The following ARHGAP31 variants were observed in gnomAD, a reference collection of about 807,000 sequenced individuals.
ARHGAP31 encodes rho GTPase-activating protein 31.
Under a neutral mutation model 113.9 loss-of-function variants are expected in ARHGAP31, and 34 were observed. The observed-to-expected ratio is 0.30, with a 90% CI of 0.23 to 0.40. The LOEUF is 0.40. Ranked by LOEUF, ARHGAP31 falls within the 10% of genes least tolerant of loss-of-function variation. The pLI, the probability that ARHGAP31 is intolerant of heterozygous loss-of-function variation, is 1.00. For synonymous variants in ARHGAP31, 650 were observed against 684.8 expected, an observed-to-expected ratio of 0.95 and a Z score of 0.79; for missense variants, 1,548 against 1,767.1, an observed-to-expected ratio of 0.88 and a Z score of 2.22.
At chr3:119,309,774 C>T (rs188029862) in intron 1 of ARHGAP31, among the ~76,000 whole-genome samples, 19 of 151,952 alleles carry the variant, frequency 1.3e-4, no homozygotes, top group African/African-American at 4.3e-4. Flanking sequence ...AACTATCCCC[C>T]CCACCACAAC....
intron 1 of ARHGAP31, among the ~76,000 whole-genome samples, chr3:119,357,052 CTG>C (rs2080164595): frequency 6.6e-6 from 1 of 152,172 alleles, no homozygotes; most frequent in Non-Finnish European, 1.5e-5. Context: ...CTTGCCAACA[CTG>C]TGTGTTAACA....
chr3:119,294,839 C>A lies in ARHGAP31; in HGVS notation c.-66C>A, dbSNP rs949691016. The A allele has an allele frequency of 2.1e-6, 3 of 1,452,750 alleles. No individual in the cohort carries two copies. The highest frequency in any genetic ancestry group is 2.8e-5 in the African/African-American group (2 of 71,584). The allele number at this position is 1,452,750 out of a possible 1,614,324, so 90.0% of individuals were successfully genotyped here. A position where few individuals can be genotyped will look rare whatever the true frequency, so the allele number is the denominator to read the frequency against. Reference sequence around the variant, plus strand: ...CAGCCGGTGATCTAGCCCGGGAGCCCATCTTACAGCGGTGCCAAGCAGAGG... The same window carrying A: ...CAGCCGGTGATCTAGCCCGGGAGCCAATCTTACAGCGGTGCCAAGCAGAGG... On this transcript the variant is annotated 5_prime_UTR_variant, in exon 1 of 12. Coordinates refer to ENST00000264245, the MANE Select transcript of ARHGAP31 (RefSeq NM_020754.4).
At chr3:119,320,786 C>T (rs1329979935) in intron 1 of ARHGAP31, among the ~76,000 whole-genome samples, 1 of 152,154 alleles carries the variant, frequency 6.6e-6, no homozygotes, top group African/African-American at 2.4e-5. Flanking sequence ...ATATCTTGGA[C>T]ATTGATATGG....
intron 9 of ARHGAP31, among the ~76,000 whole-genome samples, chr3:119,400,357 AC>A (rs1402079797): frequency 2.0e-5 from 3 of 151,858 alleles, no homozygotes; most frequent in Non-Finnish European, 4.4e-5. Context: ...AATCACTTAA[AC>A]CCAGGAGGCA....
intron 1 of ARHGAP31, among the ~76,000 whole-genome samples, chr3:119,342,666 C>T (rs2080019616): frequency 6.6e-6 from 1 of 152,218 alleles, no homozygotes; most frequent in Non-Finnish European, 1.5e-5. Flanking sequence ...AAGACAAATA[C>T]AGGCCGGGTG....
chr3:119,296,371 A>G (rs1279214561), intron 1 of ARHGAP31, among the ~76,000 whole-genome samples: 1 of 152,240 alleles, frequency 6.6e-6, no homozygotes, highest in Non-Finnish European at 1.5e-5. Flanking sequence ...GGAGAGGTAG[A>G]TTTGAGATAA....
At chr3:119,398,177 A>T (rs1274343278) in intron 8 of ARHGAP31, among the ~76,000 whole-genome samples, 1 of 152,074 alleles carries the variant, frequency 6.6e-6, no homozygotes, top group African/African-American at 2.4e-5. Context: ...TAGGGCAGGA[A>T]GATTGCTTGA....
At chr3:119,375,497 C>G (rs897761424) in intron 3 of ARHGAP31, among the ~76,000 whole-genome samples, 1 of 152,236 alleles carries the variant, frequency 6.6e-6, no homozygotes, top group Admixed American at 6.5e-5. Context: ...AATGTCCCCA[C>G]TCGACATCCT....
In ARHGAP31 at chr3:119,381,002, A is replaced by G; in HGVS notation, c.431+16A>G. The G allele has an allele frequency of 1.9e-6, 3 of 1,608,984 alleles. No homozygotes were observed. The highest frequency in any genetic ancestry group is 2.6e-6 in the Non-Finnish European group (3 of 1,175,290). ...CCCACTATAGGTAAGAATGGTTGGGAAAAGAAACGTGTGGCCTCTCAATGC... is the reference window on the plus strand; with the variant it reads ...CCCACTATAGGTAAGAATGGTTGGGGAAAGAAACGTGTGGCCTCTCAATGC... On this transcript the variant is annotated intron_variant, in intron 4 of 11. Coordinates refer to ENST00000264245, the MANE Select transcript of ARHGAP31 (RefSeq NM_020754.4).
chr3:119,305,922 T>C (rs1056162495), intron 1 of ARHGAP31, among the ~76,000 whole-genome samples: 4 of 152,208 alleles, frequency 2.6e-5, no homozygotes, highest in Admixed American at 6.5e-5. Context: ...ACGTCCTGTT[T>C]TCCCCCCTCC....
chr3:119,342,958 A>T (rs748257315), intron 1 of ARHGAP31, among the ~76,000 whole-genome samples: 75 of 152,290 alleles, frequency 4.9e-4, no homozygotes, highest in Non-Finnish European at 2.4e-4. Flanking sequence ...TCAAAAAAAA[A>T]AAATAAAAAA....
At chr3:119,372,471 C>T (rs1263919235) in intron 3 of ARHGAP31, among the ~76,000 whole-genome samples, 7 of 151,842 alleles carry the variant, frequency 4.6e-5, no homozygotes, top group South Asian at 2.1e-4. Flanking sequence ...TTAGTAGAGA[C>T]GGGGTTTCGC....
chr3:119,332,804 G>T (rs534494032), intron 1 of ARHGAP31, among the ~76,000 whole-genome samples: 19 of 152,114 alleles, frequency 1.2e-4, no homozygotes, highest in Non-Finnish European at 2.5e-4. Context: ...AATTGTCATG[G>T]TCTTTGTCCC....
Position 119,383,180 on chromosome 3 carries a change from A to G in ARHGAP31, c.636A>G (p.Val212=). The G allele has an allele frequency of 6.2e-7, 1 of 1,614,210 alleles. No homozygotes were observed. The highest frequency in any genetic ancestry group is 8.5e-7 in the Non-Finnish European group (1 of 1,180,028). Residue 212 remains valine (V), a synonymous_variant, in exon 6 of 12, where the codon GTA becomes GTG. Coordinates refer to ENST00000264245, the MANE Select transcript of ARHGAP31 (RefSeq NM_020754.4). ...QVVIEFILNH[V]DQIFNNGAPG... The stretch of plus-strand genomic sequence containing the variant: ...TGATTGAGTTCATATTGAATCATGT[A>G]GATCAAATCTTTAACAACGGTGCAC...
At chr3:119,345,445 A>T (rs1400927949) in intron 1 of ARHGAP31, among the ~76,000 whole-genome samples, 1 of 152,126 alleles carries the variant, frequency 6.6e-6, no homozygotes, top group Non-Finnish European at 1.5e-5. Flanking sequence ...CAGTGGTAGA[A>T]AGTGGCAGTG....
At chr3:119,305,431 C>T (rs930653955) in intron 1 of ARHGAP31, among the ~76,000 whole-genome samples, 10 of 152,246 alleles carry the variant, frequency 6.6e-5, no homozygotes, top group Non-Finnish European at 1.5e-4. Context: ...TCTTTCCCAT[C>T]TGTTTCCTGC....
At chr3:119,372,009 T>C (rs576242044) in intron 3 of ARHGAP31, among the ~76,000 whole-genome samples, 4 of 152,338 alleles carry the variant, frequency 2.6e-5, no homozygotes, top group African/African-American at 9.6e-5. Flanking sequence ...CAATCTGCCA[T>C]TGATGGGCAT....
intron 6 of ARHGAP31, among the ~76,000 whole-genome samples, chr3:119,386,591 G>A (rs923370406): frequency 2.6e-5 from 4 of 152,186 alleles, no homozygotes; most frequent in Admixed American, 6.5e-5. Context: ...GTGCGGCGAC[G>A]AGAGAGTGTA....
At chr3:119,380,639 C>T (rs992751568) in intron 3 of ARHGAP31, among the ~76,000 whole-genome samples, 6 of 151,992 alleles carry the variant, frequency 3.9e-5, no homozygotes, top group South Asian at 4.2e-4. Context: ...TCTTACCAGA[C>T]GCCTAGCAAC....
Sources: gnomAD v4.1 joint callset for allele counts (sites outside exome capture counted in the v4.1 genomes callset) on GRCh38, gnomAD v4.1.1 for gene constraint, MANE v1.5 for transcripts, NCBI Gene and HGNC (gene_info 2026-07-23, HGNC 2026-07-21) for gene names.